REXO1: variants seen among roughly 807,000 people sequenced by gnomAD.
The protein encoded by REXO1 is REX1, RNA exonuclease 1 homolog.
Under a neutral mutation model 102.6 loss-of-function variants are expected in REXO1, and 42 were observed. The ratio of observed to expected loss-of-function variants is 0.41; its 90% CI spans 0.32 to 0.53. The LOEUF is 0.53. Ranked by LOEUF, REXO1 falls within the 20% of genes least tolerant of loss-of-function variation. The probability of loss-of-function intolerance (pLI) is 0.27; values close to 1 mark genes in which losing one functional copy is unlikely to be tolerated. For synonymous variants in REXO1, 908 were observed against 779.1 expected, an observed-to-expected ratio of 1.17 and a Z score of -2.76; for missense variants, 1,819 against 1,732.5, an observed-to-expected ratio of 1.05 and a Z score of -0.89.
chr19:1,816,669 TCCCAGCTCGTGGAGGGCA>T lies in REXO1; in HGVS notation c.3317+11_3317+28del, dbSNP rs781429756. On this transcript the variant is annotated intron_variant, in intron 13 of 15. Coordinates refer to ENST00000170168, the MANE Select transcript of REXO1 (RefSeq NM_020695.4). ...CCTGGGGAGAGGCGGCTGGGAGGGC[TCCCAGCTCGTGGAGGGCA>T]CTGGCCACACCTGGTGTTGTAGTCC... 1 of 1,605,476 alleles carries T rather than the reference TCCCAGCTCGTGGAGGGCA, an allele frequency of 6.2e-7. No individual in the cohort carries two copies. Among genetic ancestry groups the T allele is most frequent in the South Asian group, 1.1e-5 (1 of 90,784 alleles).
chr19:1,847,959 G>C (rs985839063), intron 1 of REXO1, among the ~76,000 whole-genome samples: 2 of 152,220 alleles, frequency 1.3e-5, no homozygotes, highest in African/African-American at 4.8e-5. Context: ...CCTCTAGACA[G>C]CCCTGGCAGG....
At position 1,816,515 on chromosome 19, in the gene REXO1, G is replaced by A. The variant is rs200183302; in HGVS notation, c.3372C>T (p.Asp1124=). 59 of 1,612,148 alleles carry A rather than the reference G, an allele frequency of 3.7e-5. No homozygotes were observed. Among genetic ancestry groups the A allele is most frequent in the South Asian group, 8.8e-5 (8 of 91,088 alleles). Residue 1124 remains aspartate (D), a synonymous_variant, in exon 14 of 16, where the codon GAC becomes GAT. Transcript: ENST00000170168. ...DLADTSVTLR[D]VQAVLLSMFS... is the part of the protein sequence containing the mutation. The stretch of plus-strand genomic sequence containing the variant: ...ACATGCTCAGCAGAACGGCCTGGAC[G>A]TCACGCAGCGTGACACTTGTGTCGG...
intron 1 of REXO1, among the ~76,000 whole-genome samples, chr19:1,841,089 C>T (rs1184190758): frequency 1.3e-5 from 2 of 152,226 alleles, no homozygotes; most frequent in Admixed American, 6.5e-5. Context: ...AGTGCACATG[C>T]GGCTCCTCCA....
At chr19:1,846,424 G>T (rs886315085) in intron 1 of REXO1, among the ~76,000 whole-genome samples, 2 of 152,184 alleles carry the variant, frequency 1.3e-5, no homozygotes, top group African/African-American at 4.8e-5. Flanking sequence ...GGGAAAAGGA[G>T]TTCATTCTCA....
chr19:1,838,417 G>C (rs539107031), intron 1 of REXO1, among the ~76,000 whole-genome samples: 193 of 151,864 alleles, frequency 1.3e-3, no homozygotes, highest in African/African-American at 4.5e-3. Context: ...TTGGGAGTTC[G>C]AGACCAGCCT....
rs1315831940 is a variant in REXO1 at position 1,827,091 on chromosome 19, C to T, written c.1698G>A (p.Pro566=). Residue 566 remains proline, a synonymous_variant, in exon 2 of 16, where the codon CCG becomes CCA. Transcript: ENST00000170168. ...SSLGFPEAQG[P]PKRLKASPPP... ...GCGGGGAGGCCTTGAGCCGCTTGGGCGGCCCCTGCGCCTCCGGGAAGCCCA... is the reference window on the plus strand; with the variant it reads ...GCGGGGAGGCCTTGAGCCGCTTGGGTGGCCCCTGCGCCTCCGGGAAGCCCA... 1.1e-5 allele frequency: 17 copies of T among 1,540,790 alleles called. 2 individuals carry two copies. The highest frequency in any genetic ancestry group is 9.6e-5 in the African/African-American group (7 of 73,054).
Position 1,815,857 on chromosome 19 carries a change from C to T in REXO1, c.*209G>A. The stretch of plus-strand genomic sequence containing the variant: ...CTAGAGACGCCAGAGGGCTGGGGGG[C>T]AGAGGGTGGGGACCGGCGGAGGGGT... On this transcript the variant is annotated 3_prime_UTR_variant, in exon 16 of 16. Transcript: ENST00000170168. This position sits in a 1 kb window ranked among gnomAD's most constrained non-coding sequence, Gnocchi z 4.0. The T allele has an allele frequency of 6.1e-6, 9 of 1,476,654 alleles. No homozygotes were observed. The highest frequency in any genetic ancestry group is 8.0e-6 in the Non-Finnish European group (9 of 1,121,150). The allele number at this position is 1,476,654 out of a possible 1,614,324, so 91.5% of individuals were successfully genotyped here. A position where few individuals can be genotyped will look rare whatever the true frequency, so the allele number is the denominator to read the frequency against.
At position 1,827,387 on chromosome 19, in the gene REXO1, CCGGT is replaced by C; in HGVS notation, c.1398_1401del (p.Pro467ArgfsTer25). On this transcript the variant is annotated frameshift_variant, in exon 2 of 16. Transcript: ENST00000170168. LOFTEE classifies it high-confidence loss of function. ...GGGCGGGGTGGGCCTCTGCCGGCCG[CCGGT>C]CGGGAGTCCCCGCTTGTGGGGCTCG... 1 of 1,537,504 alleles carries C rather than the reference CCGGT, an allele frequency of 6.5e-7. No individual in the cohort carries two copies. Among genetic ancestry groups the C allele is most frequent in the Non-Finnish European group, 8.7e-7 (1 of 1,149,354 alleles).
Position 1,818,548 on chromosome 19 carries a change from A to C in REXO1, c.2950T>G (p.Ser984Ala). 1 of 1,612,166 alleles carries C rather than the reference A, an allele frequency of 6.2e-7. No homozygotes were observed. Among genetic ancestry groups the C allele is most frequent in the Non-Finnish European group, 8.5e-7 (1 of 1,179,748 alleles). ...CRCGTEYLVSSSGRCIRDEEC... is the reference protein window; with the variant it reads ...CRCGTEYLVSASGRCIRDEEC... ...TCGTCCCGGATGCAGCGGCCTGAAGAGGACACGAGGTACTCGGTGCCACAG... is the reference window on the plus strand; with the variant it reads ...TCGTCCCGGATGCAGCGGCCTGAAGCGGACACGAGGTACTCGGTGCCACAG... Residue 984 changes from serine to alanine, a missense_variant, in exon 10 of 16, where the codon TCT becomes GCT. Physicochemically the swap from Ser to Ala is moderately conservative, Grantham distance 99 (BLOSUM62 1). Coordinates refer to ENST00000170168, the MANE Select transcript of REXO1 (RefSeq NM_020695.4).
intron 4 of REXO1, chr19:1,822,730 G>A (rs1007962603): frequency 6.6e-6 from 1 of 152,308 alleles, no homozygotes; most frequent in Admixed American, 6.5e-5. Context: ...GGGGAGGTCA[G>A]AGTAGCCTGG....
rs200280374 is a variant in REXO1 at position 1,820,071 on chromosome 19, G to A, written c.2527-14C>T. 41 of 1,598,072 alleles carry A rather than the reference G, an allele frequency of 2.6e-5. No individual in the cohort carries two copies. Among genetic ancestry groups the A allele is most frequent in the African/African-American group, 1.4e-4 (10 of 73,712 alleles). On this transcript the variant is annotated splice_polypyrimidine_tract_variant and intron_variant, in intron 6 of 15. Transcript: ENST00000170168. ...CTCGTTCAGTGCCTGGGGGACAGGCGGTGCCCAGCTGAGGCCATGCCTGCC... is the reference window on the plus strand; with the variant it reads ...CTCGTTCAGTGCCTGGGGGACAGGCAGTGCCCAGCTGAGGCCATGCCTGCC...
intron 1 of REXO1, among the ~76,000 whole-genome samples, chr19:1,833,308 G>C (rs1464372657): frequency 1.3e-5 from 2 of 152,240 alleles, no homozygotes; most frequent in Admixed American, 6.5e-5. Flanking sequence ...CCGCGGGACT[G>C]TGTGGAGGGC....
In REXO1 at chr19:1,815,839, C is replaced by T. The variant is rs1172953313; in HGVS notation, c.*227G>A. On this transcript the variant is annotated 3_prime_UTR_variant, in exon 16 of 16. Coordinates refer to ENST00000170168, the MANE Select transcript of REXO1 (RefSeq NM_020695.4). The surrounding 1 kb of genome is among the most constrained non-coding windows in gnomAD (Gnocchi z 4.0). Reference sequence around the variant, plus strand: ...CTCCATCAGCAGCAGTTTCTAGAGACGCCAGAGGGCTGGGGGGCAGAGGGT... The same window carrying T: ...CTCCATCAGCAGCAGTTTCTAGAGATGCCAGAGGGCTGGGGGGCAGAGGGT... 44 of 1,515,000 alleles carry T rather than the reference C, an allele frequency of 2.9e-5. No individual in the cohort carries two copies. Among genetic ancestry groups the T allele is most frequent in the Non-Finnish European group, 3.5e-5 (40 of 1,136,024 alleles). 93.8% of individuals were successfully genotyped at this position (1,515,000 alleles called of 1,614,324 possible).
Position 1,848,347 on chromosome 19 carries a change from G to A in REXO1, c.12C>T (p.Ser4=), listed in dbSNP as rs1254755440. 8.2e-7 allele frequency: 1 copy of A among 1,222,378 alleles called. No individual in the cohort carries two copies. The allele number at this position is 1,222,378 out of a possible 1,614,324, so 75.7% of individuals were successfully genotyped here. The change falls in exon 1 of 16, where the codon TCC becomes TCT. Residue 4 remains serine, a synonymous_variant. Transcript: ENST00000170168. ...AGTCAATGGCCCGGAAGAAGCCAGT[G>A]GAGCGTAGCATGGTCCGTCCCGCGG... MLR[S]TGFFRAIDCP... is the part of the protein sequence containing the mutation.
Position 1,816,126 on chromosome 19 carries a change from G to C in REXO1, c.3606C>G (p.Ala1202=). 1.3e-6 allele frequency: 2 copies of C among 1,550,054 alleles called. No homozygotes were observed. Among genetic ancestry groups the C allele is most frequent in the South Asian group, 2.4e-5 (2 of 84,138 alleles). The change falls in exon 16 of 16, where the codon GCC becomes GCG. Residue 1202 remains alanine, a synonymous_variant. Transcript: ENST00000170168. ...NVDGHSSSED[A]GACMHLVIWK... ...AGATCACCAGGTGCATGCAGGCGCCGGCGTCCTCGCTGGAGCTGTGCCCAT... is the reference window on the plus strand; with the variant it reads ...AGATCACCAGGTGCATGCAGGCGCCCGCGTCCTCGCTGGAGCTGTGCCCAT...
rs868784448 is a variant in REXO1 at position 1,820,455 on chromosome 19, C to T, written c.2395-60G>A. The stretch of plus-strand genomic sequence containing the variant: ...CCTCCACAAGGCCTCCAGCGGGGAA[C>T]GCAGACGCGATGAGGCCGTGCCCAT... On this transcript the variant is annotated intron_variant, in intron 5 of 15. Transcript: ENST00000170168. The T allele has an allele frequency of 1.0e-5, 16 of 1,593,622 alleles. No homozygotes were observed. The Middle Eastern group carries it at 5.0e-4, about 50-fold the overall frequency.
At position 1,848,397 on chromosome 19, in the gene REXO1, GGGCCCCA is replaced by G. The variant is rs2011661618; in HGVS notation, c.-46_-40del. The G allele has an allele frequency of 6.0e-6, 7 of 1,174,952 alleles. No individual in the cohort carries two copies. Among genetic ancestry groups the G allele is most frequent in the Non-Finnish European group, 7.4e-6 (7 of 946,772 alleles). The allele number at this position is 1,174,952 out of a possible 1,614,324, so 72.8% of individuals were successfully genotyped here. A position where few individuals can be genotyped will look rare whatever the true frequency, so the allele number is the denominator to read the frequency against. On this transcript the variant is annotated 5_prime_UTR_variant, in exon 1 of 16. Coordinates refer to ENST00000170168, the MANE Select transcript of REXO1 (RefSeq NM_020695.4). The stretch of plus-strand genomic sequence containing the variant: ...GCGGGGCCCCGGCCCGGAGCCGCCC[GGGCCCCA>G]GGGCCCCCTCACTGGCGCCGCGGTC...
In REXO1 at chr19:1,847,933, T is replaced by G. The variant is rs554348844; in HGVS notation, c.157+269A>C. On this transcript the variant is annotated intron_variant, in intron 1 of 15. Transcript: ENST00000170168. ...CAGGCCCGGTGCCCGGTACTCAACA[T>G]GCGCTCGCACTCCGCCCTCTAGACA... 4.6e-5 allele frequency among the ~76,000 whole-genome samples: 7 copies of G among 152,304 alleles called. No homozygotes were observed. The South Asian group carries it at 1.4e-3, about 32-fold the overall frequency.
intron 1 of REXO1, among the ~76,000 whole-genome samples, chr19:1,833,397 C>T (rs1032819706): frequency 1.3e-5 from 2 of 152,240 alleles, no homozygotes; most frequent in Non-Finnish European, 2.9e-5. Context: ...ACAGCCAAGG[C>T]ATTTCCAGGA....
Sources: allele counts gnomAD v4.1 joint callset (sites outside exome capture counted in the v4.1 genomes callset), GRCh38; gene constraint gnomAD v4.1.1; non-coding constraint Gnocchi (gnomAD v3.1); transcripts MANE v1.5; gene names NCBI Gene and HGNC (gene_info 2026-07-23, HGNC 2026-07-21).